PCDH11X: variants seen among roughly 807,000 people sequenced by gnomAD.
PCDH11X encodes the protein protocadherin 11 X-linked.
PCDH11X carries 18 observed loss-of-function variants against 53.3 expected under a neutral mutation model. That is an observed-to-expected ratio of 0.34 (90% CI 0.23 to 0.50). The LOEUF (loss-of-function observed/expected upper bound fraction) is 0.50. Ranked by LOEUF, PCDH11X falls within the 20% of genes least tolerant of loss-of-function variation. PCDH11X has a pLI of 0.98. For synonymous variants in PCDH11X, 279 were observed against 393.3 expected, an observed-to-expected ratio of 0.71 and a Z score of 3.44; for missense variants, 570 against 1,032.4, an observed-to-expected ratio of 0.55 and a Z score of 6.14.
intron 6 of PCDH11X, among the ~76,000 whole-genome samples, chrX:92,153,445 AGTG>A (rs1023301583): frequency 1.8e-5 from 2 of 111,671 alleles, no homozygotes; most frequent in African/African-American, 6.5e-5. Flanking sequence ...AGTGATTTAT[AGTG>A]GTTTACTTTT....
rs756603114 is a variant in PCDH11X, at chrX:92,329,180, A to G, written c.3145-58555A>G. On this transcript the variant is annotated intron_variant, in intron 8 of 10. Coordinates refer to ENST00000682573, the MANE Select transcript of PCDH11X (RefSeq NM_032968.5). ...CATGATATTAACAGACTAAAAAAGA[A>G]AAATCATATAAGTATCTCAATAGAT... Among the ~76,000 whole-genome samples, 5 of 111,814 alleles carry G rather than the reference A, an allele frequency of 4.5e-5. No homozygotes were observed. The East Asian group carries it at 1.4e-3, about 32-fold the overall frequency.
chrX:92,591,104 C>T (rs1203654634), intron 10 of PCDH11X, among the ~76,000 whole-genome samples: 3 of 111,488 alleles, frequency 2.7e-5, no homozygotes, highest in South Asian at 7.5e-4. Context: ...TAATTTGGTT[C>T]CCCCAATGAG....
rs754814822 is a variant in PCDH11X at position 91,988,874 on chromosome X, A to T, written c.3033+109601A>T. Among the ~76,000 whole-genome samples, 4 of 111,613 alleles carry T rather than the reference A, an allele frequency of 3.6e-5. No homozygotes were observed. The East Asian group carries it at 1.1e-3, about 31-fold the overall frequency. ...CAATGTGAATAAGCTCAGCTGTCCAAGGCTACCCATTCTTGGGCTTCCAAG... is the reference window on the plus strand; with the variant it reads ...CAATGTGAATAAGCTCAGCTGTCCATGGCTACCCATTCTTGGGCTTCCAAG... On this transcript the variant is annotated intron_variant, in intron 6 of 10. Coordinates refer to ENST00000682573, the MANE Select transcript of PCDH11X (RefSeq NM_032968.5).
chrX:92,094,865 T>C (rs2064109599), intron 6 of PCDH11X, among the ~76,000 whole-genome samples: 1 of 111,849 alleles, frequency 8.9e-6, no homozygotes, highest in Admixed American at 9.6e-5. Context: ...ATCTAGAGGT[T>C]TAGAAAAACA....
chrX:92,020,000 G>A (rs2062857991), intron 6 of PCDH11X, among the ~76,000 whole-genome samples: 1 of 112,118 alleles, frequency 8.9e-6, no homozygotes, highest in Admixed American at 9.4e-5. Flanking sequence ...GCCAAGGGAG[G>A]CAGTGAGTGA....
chrX:92,276,925 A>G (rs887104310), intron 8 of PCDH11X, among the ~76,000 whole-genome samples: 5 of 111,669 alleles, frequency 4.5e-5, no homozygotes, highest in Middle Eastern at 4.6e-3. Flanking sequence ...AGAAAGGAGC[A>G]TTAACCTTGA....
chrX:92,320,432 G>C (rs1299967286), intron 8 of PCDH11X, among the ~76,000 whole-genome samples: 1 of 108,944 alleles, frequency 9.2e-6, no homozygotes, highest in African/African-American at 3.3e-5. Flanking sequence ...CTCTCTCTCT[G>C]TCACACACAC....
At chrX:92,460,127 A>G (rs1453347046) in intron 9 of PCDH11X, 6 of 1,067,763 alleles carry the variant, frequency 5.6e-6, no homozygotes, top group Non-Finnish European at 7.7e-6. Context: ...CTGCATATTG[A>G]CAATGCCCGT....
intron 5 of PCDH11X, among the ~76,000 whole-genome samples, chrX:91,855,883 T>C (rs1352358239): frequency 2.7e-5 from 3 of 111,960 alleles, no homozygotes; most frequent in African/African-American, 9.7e-5. Context: ...GTTTATCATT[T>C]CTAATAGTTT....
At chrX:91,818,549 CA>C (rs1936527481) in intron 4 of PCDH11X, among the ~76,000 whole-genome samples, 3 of 108,464 alleles carry the variant, frequency 2.8e-5, no homozygotes, top group African/African-American at 1.0e-4. Flanking sequence ...AAAAAAAATA[CA>C]AAAAATTAGC....
At chrX:92,258,149 T>C (rs919299367) in intron 7 of PCDH11X, among the ~76,000 whole-genome samples, 1 of 110,783 alleles carries the variant, frequency 9.0e-6, no homozygotes, top group African/African-American at 3.3e-5. Flanking sequence ...CCCATTTAGC[T>C]ATGTCTGGAA....
intron 4 of PCDH11X, among the ~76,000 whole-genome samples, chrX:91,827,645 T>A (rs924778730): frequency 2.7e-5 from 3 of 109,737 alleles, no homozygotes; most frequent in Non-Finnish European, 5.7e-5. Flanking sequence ...AAGAAAGGGG[T>A]CCAGTTTCAA....
chrX:92,262,083 G>A (rs1425429270), intron 7 of PCDH11X, among the ~76,000 whole-genome samples: 5 of 110,452 alleles, frequency 4.5e-5, no homozygotes, highest in African/African-American at 1.6e-4. Flanking sequence ...CTCAAGTTAT[G>A]TTAAAATGAT....
intron 10 of PCDH11X, among the ~76,000 whole-genome samples, chrX:92,556,425 C>T (rs1440758449): frequency 1.8e-5 from 2 of 111,411 alleles, no homozygotes; most frequent in Non-Finnish European, 3.8e-5. Context: ...GTAATTCTAT[C>T]TGTTCCAAGT....
chrX:92,197,825 G>T (rs902652438), intron 6 of PCDH11X, among the ~76,000 whole-genome samples: 2 of 111,725 alleles, frequency 1.8e-5, no homozygotes, highest in Admixed American at 9.6e-5. Flanking sequence ...CAAATCCTGA[G>T]ACTTCCATGG....
At chrX:92,123,056 G>A (rs2064800308) in intron 6 of PCDH11X, among the ~76,000 whole-genome samples, 1 of 111,643 alleles carries the variant, frequency 9.0e-6, no homozygotes, top group African/African-American at 3.2e-5. Flanking sequence ...GGCAACTATG[G>A]TTTCTGGAGC....
intron 6 of PCDH11X, among the ~76,000 whole-genome samples, chrX:92,133,439 T>G (rs1312871365): frequency 9.0e-6 from 1 of 111,713 alleles, no homozygotes; most frequent in African/African-American, 3.3e-5. Flanking sequence ...CAACCTCAGC[T>G]CACCACAACC....
At chrX:92,009,350 C>T (rs1385531848) in intron 6 of PCDH11X, among the ~76,000 whole-genome samples, 3 of 111,270 alleles carry the variant, frequency 2.7e-5, no homozygotes, top group African/African-American at 6.5e-5. Context: ...AAGTTTTTAA[C>T]AAGATAGTCT....
chrX:91,792,212 T>C (rs1452023207), intron 1 of PCDH11X, among the ~76,000 whole-genome samples: 2 of 111,611 alleles, frequency 1.8e-5, no homozygotes, highest in Non-Finnish European at 3.8e-5. Flanking sequence ...TAAAAAATCA[T>C]ATGTAATTAA....
Sources: allele counts gnomAD v4.1 joint callset (sites outside exome capture counted in the v4.1 genomes callset), GRCh38; gene constraint gnomAD v4.1.1; transcripts MANE v1.5; gene names NCBI Gene and HGNC (gene_info 2026-07-23, HGNC 2026-07-21).